NRXN3: variants seen among roughly 807,000 people sequenced by gnomAD.
NRXN3 encodes neurexin III.
A neutral mutation model predicts 137.6 loss-of-function variants in NRXN3; 32 were observed. The ratio of observed to expected loss-of-function variants is 0.23; its 90% CI spans 0.18 to 0.31. NRXN3 has a LOEUF of 0.31. NRXN3 is among the 10% of genes least tolerant of loss of function. The pLI, the probability that NRXN3 is intolerant of heterozygous loss-of-function variation, is 1.00. For missense variants in NRXN3, 1,574 were observed against 2,062.5 expected, an observed-to-expected ratio of 0.76 and a Z score of 4.59; for synonymous variants, 798 against 784.5, an observed-to-expected ratio of 1.02 and a Z score of -0.29.
At chr14:78,880,351 A>T (rs565115763) in intron 10 of NRXN3, among the ~76,000 whole-genome samples, 2 of 151,810 alleles carry the variant, frequency 1.3e-5, no homozygotes, top group East Asian at 3.9e-4. Flanking sequence ...TTTACCCATT[A>T]CCTCTCTTAG....
At chr14:79,241,721 T>G (rs1051776294) in intron 15 of NRXN3, among the ~76,000 whole-genome samples, 1 of 152,148 alleles carries the variant, frequency 6.6e-6, no homozygotes, top group African/African-American at 2.4e-5. Flanking sequence ...GTAATATTAC[T>G]TGAGGATTTA....
intron 2 of NRXN3, among the ~76,000 whole-genome samples, chr14:78,272,064 G>T (rs866679682): frequency 3.9e-5 from 6 of 152,192 alleles, no homozygotes; most frequent in African/African-American, 1.2e-4. Flanking sequence ...ATAGGCCACT[G>T]GGGAGGTGCA....
chr14:78,329,577 A>G (rs1276599803), intron 4 of NRXN3, among the ~76,000 whole-genome samples: 1 of 152,142 alleles, frequency 6.6e-6, no homozygotes, highest in African/African-American at 2.4e-5. Flanking sequence ...CTTTGCGCTA[A>G]TGGACTGTTA....
chr14:78,355,966 G>A (rs2084242607), intron 4 of NRXN3, among the ~76,000 whole-genome samples: 2 of 152,168 alleles, frequency 1.3e-5, no homozygotes, highest in African/African-American at 4.8e-5. Flanking sequence ...GGTGGAAGTT[G>A]GCTAAGTCTG....
intron 15 of NRXN3, among the ~76,000 whole-genome samples, chr14:78,990,361 A>ATTTTTTTTTTT (rs1163720240): frequency 2.6e-5 from 2 of 76,070 alleles, no homozygotes; most frequent in African/African-American, 1.1e-4. Context: ...GTTCACATCT[A>ATTTTTTTTTTT]TTTTTTTTTT....
intron 15 of NRXN3, among the ~76,000 whole-genome samples, chr14:79,014,029 A>C (rs1259453185): frequency 6.6e-6 from 1 of 152,190 alleles, no homozygotes; most frequent in Non-Finnish European, 1.5e-5. Flanking sequence ...AGAATCAAAG[A>C]TGGTTGGCAC....
intron 15 of NRXN3, among the ~76,000 whole-genome samples, chr14:79,266,366 T>C (rs1209069866): frequency 1.3e-5 from 2 of 152,096 alleles, no homozygotes; most frequent in South Asian, 2.1e-4. Context: ...TATATATATA[T>C]ATAACCTTTA....
intron 10 of NRXN3, among the ~76,000 whole-genome samples, chr14:78,893,203 G>C (rs779477596): frequency 6.8e-4 from 103 of 151,966 alleles, no homozygotes; most frequent in Non-Finnish European, 8.8e-4. Context: ...TTCATTCATG[G>C]GCTTTCTCTC....
rs117703338 is a variant in NRXN3, at chr14:78,675,230, G to A, written c.1221+23904G>A. On this transcript the variant is annotated intron_variant, in intron 6 of 20. Coordinates refer to ENST00000335750, the MANE Select transcript of NRXN3 (RefSeq NM_001330195.2). ...ACCTTCCTTACCACCTGGCCTTCTAGGCATTGGAGACAGAAGAGAATCTCC... is the reference window on the plus strand; with the variant it reads ...ACCTTCCTTACCACCTGGCCTTCTAAGCATTGGAGACAGAAGAGAATCTCC... Among the ~76,000 whole-genome samples, 51 of 152,276 alleles carry A rather than the reference G, an allele frequency of 3.3e-4. 1 individual carries two copies. In the East Asian group the frequency reaches 9.5e-3, roughly 28 times the overall value.
At chr14:79,135,631 A>T (rs1335093919) in intron 15 of NRXN3, among the ~76,000 whole-genome samples, 2 of 152,238 alleles carry the variant, frequency 1.3e-5, no homozygotes, top group Non-Finnish European at 2.9e-5. Context: ...AGTTTTTAAC[A>T]TCAAGAGGAC....
rs113537588 is a variant in NRXN3, at chr14:79,549,740, C to A, written c.3444+82338C>A. On this transcript the variant is annotated intron_variant, in intron 16 of 20. Coordinates refer to ENST00000335750, the MANE Select transcript of NRXN3 (RefSeq NM_001330195.2). ...TTACTGTTGCCTTCAAAAATGCAGA[C>A]TCATTACTAACAAAAGTGGTATGTC... Among the ~76,000 whole-genome samples the A allele has an allele frequency of 6.5e-3, 993 of 152,190 alleles. 7 individuals carry two copies. Among genetic ancestry groups the A allele is most frequent in the African/African-American group, 0.023 (966 of 41,510 alleles).
intron 15 of NRXN3, among the ~76,000 whole-genome samples, chr14:79,415,137 C>T (rs539367959): frequency 2.6e-5 from 4 of 152,154 alleles, no homozygotes; most frequent in African/African-American, 4.8e-5. Flanking sequence ...TTCATCTGCA[C>T]GGACACTCAG....
At chr14:78,438,044 T>A (rs2094130092) in intron 4 of NRXN3, among the ~76,000 whole-genome samples, 1 of 152,058 alleles carries the variant, frequency 6.6e-6, no homozygotes. Flanking sequence ...GGCTCATTAG[T>A]ACAGTGACAG....
chr14:78,440,922 C>T (rs1051045600), intron 4 of NRXN3, among the ~76,000 whole-genome samples: 3 of 152,174 alleles, frequency 2.0e-5, no homozygotes, highest in African/African-American at 7.2e-5. Flanking sequence ...GCTTAAATTT[C>T]AATTAACTGG....
chr14:78,816,998 A>G (rs920201557), intron 10 of NRXN3, among the ~76,000 whole-genome samples: 3 of 152,236 alleles, frequency 2.0e-5, no homozygotes, highest in Admixed American at 6.5e-5. Context: ...AATCTGCTGT[A>G]GCAACATTTC....
chr14:79,441,867 CAA>C (rs369114218), intron 15 of NRXN3, among the ~76,000 whole-genome samples: 1 of 146,332 alleles, frequency 6.8e-6, no homozygotes. Flanking sequence ...AAACAAACGA[CAA>C]AAAAAAAAAC....
chr14:79,426,612 G>T (rs1015758206), intron 15 of NRXN3, among the ~76,000 whole-genome samples: 1 of 152,178 alleles, frequency 6.6e-6, no homozygotes, highest in Non-Finnish European at 1.5e-5. Context: ...TTTACTGAAG[G>T]TTAACGTGCT....
At chr14:78,528,638 G>T (rs1192997690) in intron 4 of NRXN3, among the ~76,000 whole-genome samples, 1 of 152,188 alleles carries the variant, frequency 6.6e-6, no homozygotes, top group South Asian at 2.1e-4. Context: ...TGAAAAAATT[G>T]CCCATGGAAT....
At chr14:78,518,384 G>T (rs925376564) in intron 4 of NRXN3, among the ~76,000 whole-genome samples, 1 of 152,052 alleles carries the variant, frequency 6.6e-6, no homozygotes, top group Non-Finnish European at 1.5e-5. Context: ...TTTCTCTCTA[G>T]GTGGGGATCT....
Sources: gnomAD v4.1 joint callset for allele counts (sites outside exome capture counted in the v4.1 genomes callset) on GRCh38, gnomAD v4.1.1 for gene constraint, MANE v1.5 for transcripts, NCBI Gene and HGNC (gene_info 2026-07-23, HGNC 2026-07-21) for gene names.